Variants in OLFML2A observed in about 807,000 individuals in gnomAD.
OLFML2A encodes the protein olfactomedin like 2A, also known as olfactomedin-like protein 2A.
Under a neutral mutation model 60.9 loss-of-function variants are expected in OLFML2A, and 47 were observed. The ratio of observed to expected loss-of-function variants is 0.77; its 90% CI spans 0.61 to 0.98. OLFML2A has a LOEUF of 0.98. Among genes scored for constraint, OLFML2A ranks in the 50% least tolerant of loss-of-function variants. The pLI, the probability that OLFML2A is intolerant of heterozygous loss-of-function variation, is 0.00. For missense variants in OLFML2A, 922 were observed against 879.8 expected, an observed-to-expected ratio of 1.05 and a Z score of -0.61; for synonymous variants, 372 against 375.0, an observed-to-expected ratio of 0.99 and a Z score of 0.09.
intron 7 of OLFML2A, 27 bp downstream of exon 7, chr9:124,807,993 G>C (rs769714693): frequency 6.3e-7 from 1 of 1,599,452 alleles, no homozygotes; most frequent in Non-Finnish European, 8.6e-7. Context: ...GGTGGAGAGG[G>C]GGCTGGGTAT....
chr9:124,780,144 C>T (rs935267808), intron 1 of OLFML2A, among the ~76,000 whole-genome samples: 3 of 152,164 alleles, frequency 2.0e-5, no homozygotes, highest in Non-Finnish European at 2.9e-5. Context: ...GGAGGGGGAC[C>T]CCACAGCTTC....
rs1170763984 is a variant in OLFML2A at position 124,777,163 on chromosome 9, C to T, written c.-108C>T. The stretch of plus-strand genomic sequence containing the variant: ...CGCGGGGCTGGCAGCAGGGTGCAGG[C>T]GCGGGGCGCGGGGCAGGCAGAGCGG... On this transcript the variant is annotated 5_prime_UTR_variant, in exon 1 of 8. Transcript: ENST00000373580. This position sits in a 1 kb window ranked among gnomAD's most constrained non-coding sequence, Gnocchi z 6.2. 13 of 379,836 alleles carry T rather than the reference C, an allele frequency of 3.4e-5. No homozygotes were observed. The highest frequency in any genetic ancestry group is 5.3e-5 in the Non-Finnish European group (12 of 226,318). The allele number at this position is 379,836 out of a possible 1,614,324, so 23.5% of individuals were successfully genotyped here.
Position 124,801,611 on chromosome 9 carries a change from G to T in OLFML2A, c.867G>T (p.Arg289=), listed in dbSNP as rs773192910. The part of the protein sequence containing the change: ...RALAQQQAVI[R]GFTYYKAGKQ... ...TGGCCCAGCAGCAGGCTGTGATCCGGGGCTTCACCTACTACAAGGCAGGCA... is the reference window on the plus strand; with the variant it reads ...TGGCCCAGCAGCAGGCTGTGATCCGTGGCTTCACCTACTACAAGGCAGGCA... Residue 289 remains arginine (R), a synonymous_variant, in exon 5 of 8, where the codon CGG becomes CGT. Transcript: ENST00000373580. 3 of 1,613,890 alleles carry T rather than the reference G, an allele frequency of 1.9e-6. No individual in the cohort carries two copies. The highest frequency in any genetic ancestry group is 2.5e-6 in the Non-Finnish European group (3 of 1,180,018).
At chr9:124,786,266 T>C (rs1195599089) in intron 1 of OLFML2A, among the ~76,000 whole-genome samples, 1 of 151,764 alleles carries the variant, frequency 6.6e-6, no homozygotes, top group Non-Finnish European at 1.5e-5. Flanking sequence ...TTACAAAATA[T>C]ACAAAAATTA....
chr9:124,808,056 G>A (rs968160979), intron 7 of OLFML2A, 90 bp downstream of exon 7: 1 of 986,378 alleles, frequency 1.0e-6, no homozygotes, highest in Admixed American at 2.0e-5. Context: ...TGCCTTGTGG[G>A]TTTCTATGGT....
intron 5 of OLFML2A, among the ~76,000 whole-genome samples, chr9:124,801,949 C>T (rs961454313): frequency 3.9e-5 from 6 of 152,270 alleles, no homozygotes; most frequent in South Asian, 2.1e-4. Context: ...GCTGAAGGTC[C>T]GCTCTGACCA....
At chr9:124,799,724 G>C (rs1434715457) in intron 4 of OLFML2A, among the ~76,000 whole-genome samples, 2 of 152,198 alleles carry the variant, frequency 1.3e-5, no homozygotes, top group African/African-American at 4.8e-5. Flanking sequence ...TGCCAAGGGG[G>C]CTGGTCCCTA....
rs543949803 is a variant in OLFML2A at position 124,807,369 on chromosome 9, C to T, written c.1169-412C>T. ...CATGATCTCTGCTCACTGCAACCTCCGCCTCCTGGGTTCAAGTGATTCTCC... is the reference window on the plus strand; with the variant it reads ...CATGATCTCTGCTCACTGCAACCTCTGCCTCCTGGGTTCAAGTGATTCTCC... On this transcript the variant is annotated intron_variant, in intron 6 of 7. Coordinates refer to ENST00000373580, the MANE Select transcript of OLFML2A (RefSeq NM_182487.4). Among the ~76,000 whole-genome samples the T allele has an allele frequency of 2.4e-3, 360 of 151,026 alleles. 1 individual carries two copies. The highest frequency in any genetic ancestry group is 3.5e-3 in the Non-Finnish European group (238 of 67,902).
chr9:124,809,830 G>T lies in OLFML2A; in HGVS notation c.1377G>T (p.Lys459Asn). The T allele has an allele frequency of 6.2e-7, 1 of 1,611,106 alleles. No homozygotes were observed. The highest frequency in any genetic ancestry group is 8.5e-7 in the Non-Finnish European group (1 of 1,178,052). Residue 459 changes from lysine to asparagine, a missense_variant, in exon 8 of 8, where the codon AAG becomes AAT. Transcript: ENST00000373580. ...CAGGCCGCTGGAGTAACATGTACAA[G>T]CTACCCTACAACTGGATCGGCACAG... ...FKQGRWSNMY[K>N]LPYNWIGTGH...
intron 7 of OLFML2A, 25 bp downstream of exon 7, chr9:124,807,991 G>A (rs368313970): frequency 6.2e-6 from 10 of 1,601,770 alleles, no homozygotes; most frequent in Non-Finnish European, 7.7e-6. Context: ...GAGGTGGAGA[G>A]GGGGCTGGGT....
intron 1 of OLFML2A, among the ~76,000 whole-genome samples, chr9:124,783,801 G>A (rs1480832925): frequency 6.6e-6 from 1 of 152,184 alleles, no homozygotes; most frequent in African/African-American, 2.4e-5. Context: ...GCCTCTAATG[G>A]TACCTATGGT....
intron 1 of OLFML2A, among the ~76,000 whole-genome samples, chr9:124,784,096 G>A (rs1222740407): frequency 6.6e-5 from 10 of 152,262 alleles, no homozygotes; most frequent in Non-Finnish European, 1.2e-4. Flanking sequence ...AATAAGGAGC[G>A]GTTCAAGGGA....
Position 124,779,035 on chromosome 9 carries a change from G to C in OLFML2A, c.90+1675G>C. On this transcript the variant is annotated intron_variant, in intron 1 of 7. Coordinates refer to ENST00000373580, the MANE Select transcript of OLFML2A (RefSeq NM_182487.4). This position sits in a 1 kb window ranked among gnomAD's most constrained non-coding sequence, Gnocchi z 4.1. ...ACTGGCCAACTCTCAGCCTGATTCA[G>C]CTCAGGGCATGAAAGCACCCACGTA... The C allele has an allele frequency of 1.2e-6, 1 of 845,720 alleles. No individual in the cohort carries two copies. Among genetic ancestry groups the C allele is most frequent in the Non-Finnish European group, 1.4e-6 (1 of 702,618 alleles). The allele number at this position is 845,720 out of a possible 1,614,324, so 52.4% of individuals were successfully genotyped here. A position where few individuals can be genotyped will look rare whatever the true frequency, so the allele number is the denominator to read the frequency against.
chr9:124,784,950 T>TTTTTTTG (rs1564281321), intron 1 of OLFML2A, among the ~76,000 whole-genome samples: 7 of 104,604 alleles, frequency 6.7e-5, no homozygotes, highest in African/African-American at 1.3e-4. Flanking sequence ...CTTGTTTTTT[T>TTTTTTTG]TTTTTTTTTT....
Position 124,804,151 on chromosome 9 carries a change from G to A in OLFML2A, c.977G>A (p.Arg326Lys). 6.2e-7 allele frequency: 1 copy of A among 1,614,152 alleles called. No individual in the cohort carries two copies. Among genetic ancestry groups the A allele is most frequent in the Non-Finnish European group, 8.5e-7 (1 of 1,180,004 alleles). The change falls in exon 6 of 8, where the codon AGG becomes AAG. Residue 326 changes from arginine to lysine, a missense_variant. Transcript: ENST00000373580. ...CAACTGCCGCCCAAGGTGGAGGGCAGGTCCAACTCCGCAGAGCCCAACTCC... is the reference window on the plus strand; with the variant it reads ...CAACTGCCGCCCAAGGTGGAGGGCAAGTCCAACTCCGCAGAGCCCAACTCC... ...LEQLPPKVEG[R>K]SNSAEPNSAE...
chr9:124,805,312 G>A (rs568368971), intron 6 of OLFML2A, among the ~76,000 whole-genome samples: 27 of 152,250 alleles, frequency 1.8e-4, no homozygotes, highest in African/African-American at 6.3e-4. Flanking sequence ...AACAGCTGCA[G>A]CTTAAGTGGT....
At position 124,811,805 on chromosome 9, in the gene OLFML2A, T is replaced by A. The variant is rs1366117703; in HGVS notation, c.*1393T>A. On this transcript the variant is annotated 3_prime_UTR_variant, in exon 8 of 8. Coordinates refer to ENST00000373580, the MANE Select transcript of OLFML2A (RefSeq NM_182487.4). ...CCCTCTTCTGCTTTTTTAGACAGTA[T>A]TTTTAGAGCTGGAAAGAAATTTTCT... 6.6e-6 allele frequency: 1 copy of A among 152,182 alleles called. No individual in the cohort carries two copies. Among genetic ancestry groups the A allele is most frequent in the South Asian group, 2.1e-4 (1 of 4,830 alleles). 9.4% of individuals were successfully genotyped at this position (152,182 alleles called of 1,614,324 possible).
chr9:124,799,053 A>C (rs925165317), intron 3 of OLFML2A, among the ~76,000 whole-genome samples: 1 of 152,206 alleles, frequency 6.6e-6, no homozygotes, highest in East Asian at 1.9e-4. Flanking sequence ...ATTTAGTACC[A>C]TGCACATGTA....
intron 3 of OLFML2A, among the ~76,000 whole-genome samples, chr9:124,797,667 T>G (rs1296026845): frequency 6.6e-6 from 1 of 152,194 alleles, no homozygotes; most frequent in Non-Finnish European, 1.5e-5. Flanking sequence ...CTGTCCTGCT[T>G]TAGCTGAAAA....
Sources: allele counts gnomAD v4.1 joint callset (sites outside exome capture counted in the v4.1 genomes callset), GRCh38; gene constraint gnomAD v4.1.1; non-coding constraint Gnocchi (gnomAD v3.1); transcripts MANE v1.5; gene names NCBI Gene and HGNC (gene_info 2026-07-23, HGNC 2026-07-21).